Variants in PCDH9 observed in about 807,000 individuals in gnomAD.
The protein encoded by PCDH9 is protocadherin-9.
A neutral mutation model predicts 70.6 loss-of-function variants in PCDH9; 24 were observed. The ratio of observed to expected loss-of-function variants is 0.34; its 90% CI spans 0.25 to 0.48. The LOEUF (loss-of-function observed/expected upper bound fraction) is 0.48. Among genes scored for constraint, PCDH9 ranks in the 20% least tolerant of loss-of-function variants. The pLI is 0.99. For missense variants in PCDH9, 1,281 were observed against 1,503.6 expected (o/e 0.85, Z 2.45); for synonymous variants, 562 against 558.5 (o/e 1.01, Z -0.09).
rs191876715 is a variant in PCDH9 at position 66,818,878 on chromosome 13, G to A, written c.3138+84626C>T. 5.1e-3 allele frequency among the ~76,000 whole-genome samples: 776 copies of A among 152,054 alleles called. 8 individuals carry two copies. The highest frequency in any genetic ancestry group is 0.018 in the African/African-American group (736 of 41,470). On this transcript the variant is annotated intron_variant, in intron 3 of 4. Transcript: ENST00000377865. ...GAACCCAGGAGGCGGAGCTTGCAGT[G>A]GGCCGAGATCGCGCCACTGCACTCC...
intron 4 of PCDH9, among the ~76,000 whole-genome samples, chr13:66,414,327 T>G (rs1957425816): frequency 6.6e-6 from 1 of 152,208 alleles, no homozygotes; most frequent in Admixed American, 6.5e-5. Flanking sequence ...ATATGTCACT[T>G]TGTAGAGCTT....
At chr13:66,769,634 G>C (rs1314554603) in intron 3 of PCDH9, among the ~76,000 whole-genome samples, 1 of 151,970 alleles carries the variant, frequency 6.6e-6, no homozygotes, top group African/African-American at 2.4e-5. Flanking sequence ...AATCCAACAA[G>C]ACCACATCTT....
chr13:66,782,356 A>ATC (rs970891225), intron 3 of PCDH9, among the ~76,000 whole-genome samples: 44 of 152,274 alleles, frequency 2.9e-4, no homozygotes, highest in African/African-American at 9.4e-4. Context: ...TGCAGGAGAG[A>ATC]TAGCTGTCAG....
At chr13:67,189,973 A>G (rs1214335285) in intron 2 of PCDH9, among the ~76,000 whole-genome samples, 1 of 152,094 alleles carries the variant, frequency 6.6e-6, no homozygotes, top group Non-Finnish European at 1.5e-5. Flanking sequence ...ATTAAAAATA[A>G]TACAAAATTA....
intron 4 of PCDH9, among the ~76,000 whole-genome samples, chr13:66,414,021 T>G (rs994879228): frequency 2.0e-5 from 3 of 151,224 alleles, no homozygotes; most frequent in Non-Finnish European, 2.9e-5. Context: ...GAAAAGGGGC[T>G]TTTTTTTCAT....
intron 3 of PCDH9, among the ~76,000 whole-genome samples, chr13:66,821,085 T>C (rs1163155289): frequency 6.6e-6 from 1 of 152,190 alleles, no homozygotes; most frequent in Non-Finnish European, 1.5e-5. Flanking sequence ...CAGATTCAAA[T>C]TGCACCAAAT....
intron 2 of PCDH9, among the ~76,000 whole-genome samples, chr13:67,156,915 C>T (rs1420846671): frequency 6.6e-6 from 1 of 152,178 alleles, no homozygotes; most frequent in Non-Finnish European, 1.5e-5. Context: ...GCATGCCCTG[C>T]CGGGGGACTA....
At chr13:67,199,679 A>G (rs2089161814) in intron 2 of PCDH9, among the ~76,000 whole-genome samples, 1 of 152,072 alleles carries the variant, frequency 6.6e-6, no homozygotes, top group Non-Finnish European at 1.5e-5. Context: ...TAATCAAAGG[A>G]GAAAATATTA....
chr13:66,414,610 T>A (rs1011171521), intron 4 of PCDH9, among the ~76,000 whole-genome samples: 1 of 152,092 alleles, frequency 6.6e-6, no homozygotes, highest in Non-Finnish European at 1.5e-5. Context: ...AGTCCAGGAG[T>A]TAAAGAATTT....
chr13:66,562,868 T>C (rs961333343), intron 4 of PCDH9, among the ~76,000 whole-genome samples: 3 of 152,164 alleles, frequency 2.0e-5, no homozygotes, highest in African/African-American at 7.2e-5. Context: ...CAGTTTATGC[T>C]TATACTCCTC....
intron 3 of PCDH9, among the ~76,000 whole-genome samples, chr13:66,745,569 G>A (rs922851461): frequency 1.3e-5 from 2 of 152,112 alleles, no homozygotes; most frequent in Admixed American, 6.6e-5. Context: ...CAGCTGTTGG[G>A]AACAGTGGGA....
At chr13:66,967,940 T>C (rs1231504312) in intron 2 of PCDH9, among the ~76,000 whole-genome samples, 1 of 152,002 alleles carries the variant, frequency 6.6e-6, no homozygotes, top group Non-Finnish European at 1.5e-5. Flanking sequence ...TGAGGGAGCC[T>C]CTCATCCAGT....
intron 3 of PCDH9, among the ~76,000 whole-genome samples, chr13:66,818,937 A>AAAAAAAAC (rs142407761): frequency 0.011 from 1,631 of 146,572 alleles, 24 homozygotes; most frequent in African/African-American, 0.038. Context: ...CCCGTCTCAA[A>AAAAAAAAC]AAAAAACAAA....
chr13:66,305,103 A>G lies in PCDH9; in HGVS notation c.3341-75T>C, dbSNP rs562098178. 9.3e-6 allele frequency: 12 copies of G among 1,284,646 alleles called. No individual in the cohort carries two copies. In the East Asian group the frequency reaches 3.0e-4, roughly 32 times the overall value. 79.6% of individuals were successfully genotyped at this position (1,284,646 alleles called of 1,614,324 possible). ...TCAATTAGAATTATCTTAGAGAAAA[A>G]GTATGTTATTAGTGATCTTATTTTT... On this transcript the variant is annotated intron_variant, in intron 4 of 4. Transcript: ENST00000377865.
At chr13:66,364,449 G>T (rs1419692279) in intron 4 of PCDH9, among the ~76,000 whole-genome samples, 1 of 152,294 alleles carries the variant, frequency 6.6e-6, no homozygotes, top group African/African-American at 2.4e-5. Context: ...TGTTTAAGGT[G>T]TGTGTACAGA....
At chr13:67,014,614 G>A (rs1303620766) in intron 2 of PCDH9, among the ~76,000 whole-genome samples, 1 of 150,438 alleles carries the variant, frequency 6.6e-6, no homozygotes, top group African/African-American at 2.4e-5. Context: ...ATTCTGCCCT[G>A]TCCCACACAC....
intron 2 of PCDH9, among the ~76,000 whole-genome samples, chr13:67,042,055 A>G (rs1227271191): frequency 1.3e-5 from 2 of 152,056 alleles, no homozygotes; most frequent in Non-Finnish European, 2.9e-5. Context: ...GTTTCTAGTG[A>G]TGCATCTCCA....
At chr13:66,798,958 C>T (rs954067337) in intron 3 of PCDH9, among the ~76,000 whole-genome samples, 16 of 151,838 alleles carry the variant, frequency 1.1e-4, no homozygotes, top group African/African-American at 2.9e-4. Context: ...GAGATTACAG[C>T]GCGTGCCACC....
At position 66,684,196 on chromosome 13, in the gene PCDH9, C is replaced by T. The variant is rs143610992; in HGVS notation, c.3139-52785G>A. The stretch of plus-strand genomic sequence containing the variant: ...TGACAGTTTAGTCTAGTTTTATACT[C>T]GACTACTAAAGGCTAGCCAATTAAG... On this transcript the variant is annotated intron_variant, in intron 3 of 4. Coordinates refer to ENST00000377865, the MANE Select transcript of PCDH9 (RefSeq NM_203487.3). 5.3e-3 allele frequency among the ~76,000 whole-genome samples: 806 copies of T among 152,272 alleles called. 2 individuals are homozygous for T. The highest frequency in any genetic ancestry group is 8.6e-3 in the Non-Finnish European group (588 of 68,024).
Sources: gnomAD v4.1 joint callset for allele counts (sites outside exome capture counted in the v4.1 genomes callset) on GRCh38, gnomAD v4.1.1 for gene constraint, MANE v1.5 for transcripts, NCBI Gene and HGNC (gene_info 2026-07-23, HGNC 2026-07-21) for gene names.